PTPRN2: variants seen among roughly 807,000 people sequenced by gnomAD.
PTPRN2 encodes the protein protein tyrosine phosphatase receptor type N2, also known as receptor-type tyrosine-protein phosphatase N2.
Under a neutral mutation model 118.8 loss-of-function variants are expected in PTPRN2, and 74 were observed. The ratio of observed to expected loss-of-function variants is 0.62; its 90% CI spans 0.52 to 0.76. The LOEUF is 0.76. Ranked by LOEUF, PTPRN2 falls within the 30% of genes least tolerant of loss-of-function variation. The probability of loss-of-function intolerance (pLI) is 0.00; values close to 1 mark genes in which losing one functional copy is unlikely to be tolerated. For missense variants in PTPRN2, 1,481 were observed against 1,394.4 expected, an observed-to-expected ratio of 1.06 and a Z score of -0.99; for synonymous variants, 641 against 608.0, an observed-to-expected ratio of 1.05 and a Z score of -0.80.
rs114826638 is a variant in PTPRN2, at chr7:157,957,763, C to G, written c.1724-59026G>C. 5.2e-3 allele frequency among the ~76,000 whole-genome samples: 793 copies of G among 152,188 alleles called. 9 individuals are homozygous for G. Among genetic ancestry groups the G allele is most frequent in the African/African-American group, 0.018 (733 of 41,520 alleles). On this transcript the variant is annotated intron_variant, in intron 11 of 22. Transcript: ENST00000389418. ...GACTGAAACCGTAGTCAAAAACCTC[C>G]CAAAGAAAATCCTGCAGTCACTGGT...
At chr7:158,568,725 A>C (rs1403523749) in intron 1 of PTPRN2, among the ~76,000 whole-genome samples, 1 of 152,114 alleles carries the variant, frequency 6.6e-6, no homozygotes, top group Non-Finnish European at 1.5e-5. Flanking sequence ...TTTTTAACAA[A>C]CTGGGGTAAC....
chr7:158,326,607 T>C (rs1355291789), intron 2 of PTPRN2, among the ~76,000 whole-genome samples: 2 of 151,404 alleles, frequency 1.3e-5, no homozygotes. Context: ...CAGGCACACG[T>C]TCTCACACAC....
intron 18 of PTPRN2, among the ~76,000 whole-genome samples, chr7:157,577,478 C>A (rs780819842): frequency 6.6e-6 from 1 of 152,158 alleles, no homozygotes; most frequent in Non-Finnish European, 1.5e-5. Context: ...GGCAGAAAAT[C>A]CAGCCAGATA....
intron 11 of PTPRN2, among the ~76,000 whole-genome samples, chr7:158,073,719 C>T (rs1474414617): frequency 1.3e-5 from 2 of 152,170 alleles, no homozygotes; most frequent in Non-Finnish European, 2.9e-5. Flanking sequence ...AGACACTGCC[C>T]TTTCTATTCA....
chr7:158,069,908 T>C (rs1811074249), intron 11 of PTPRN2, among the ~76,000 whole-genome samples: 1 of 152,364 alleles, frequency 6.6e-6, no homozygotes, highest in Admixed American at 6.5e-5. Flanking sequence ...AGTGTAACTA[T>C]TGGCCCTAGC....
chr7:158,240,212 C>G (rs1381405399), intron 3 of PTPRN2, among the ~76,000 whole-genome samples: 1 of 151,792 alleles, frequency 6.6e-6, no homozygotes, highest in Admixed American at 6.6e-5. Flanking sequence ...ATTTCTCTCT[C>G]CTATTAACAG....
chr7:157,941,436 C>CTAACATCCTCCCCCATGACACTGCAAATA (rs1486501952), intron 11 of PTPRN2, among the ~76,000 whole-genome samples: 7 of 143,930 alleles, frequency 4.9e-5, no homozygotes, highest in South Asian at 2.3e-4. Flanking sequence ...CACTGCAAAT[C>CTAACATCCTCCCCCATGACACTGCAAATA]TAACATCCTC....
rs1826143585 is a variant in PTPRN2 at position 158,544,041 on chromosome 7, G to A, written c.112+43517C>T. Among the ~76,000 whole-genome samples the A allele has an allele frequency of 1.3e-5, 2 of 152,176 alleles. No individual in the cohort carries two copies. The highest frequency in any genetic ancestry group is 4.1e-4 in the South Asian group (2 of 4,822). ...TCCTCTGGGCTCTGCCCCTCTGCAC[G>A]GCACCAGAGTTGTGCAAGGAAGCAG... On this transcript the variant is annotated intron_variant, in intron 1 of 22. Coordinates refer to ENST00000389418, the MANE Select transcript of PTPRN2 (RefSeq NM_002847.5). This position sits in a 1 kb window ranked among gnomAD's most constrained non-coding sequence, Gnocchi z 4.2.
At position 157,729,967 on chromosome 7, in the gene PTPRN2, C is replaced by T. The variant is rs1462361106; in HGVS notation, c.1789-47030G>A. On this transcript the variant is annotated intron_variant, in intron 12 of 22. Transcript: ENST00000389418. The surrounding 1 kb of genome is among the most constrained non-coding windows in gnomAD (Gnocchi z 4.3). ...GGCCAGGAACAGGGCATTCTTCTCT[C>T]CAGGGAGCAGAAACCACAAGATAGA... is the stretch of plus-strand genomic sequence containing the variant. 6.6e-6 allele frequency among the ~76,000 whole-genome samples: 1 copy of T among 152,214 alleles called. No homozygotes were observed. The highest frequency in any genetic ancestry group is 6.5e-5 in the Admixed American group (1 of 15,282).
intron 2 of PTPRN2, among the ~76,000 whole-genome samples, chr7:158,404,869 G>T (rs1366381677): frequency 3.5e-5 from 2 of 57,150 alleles, no homozygotes; most frequent in African/African-American, 6.8e-5. Context: ...CCAGCCCCCA[G>T]CTCCCTGGCC....
At chr7:158,083,406 C>T (rs1233289266) in intron 10 of PTPRN2, among the ~76,000 whole-genome samples, 3 of 152,186 alleles carry the variant, frequency 2.0e-5, no homozygotes, top group South Asian at 2.1e-4. Context: ...AGCTTACACA[C>T]GGCATCTGTG....
At chr7:158,047,539 G>A (rs1236384160) in intron 11 of PTPRN2, among the ~76,000 whole-genome samples, 1 of 152,090 alleles carries the variant, frequency 6.6e-6, no homozygotes, top group East Asian at 1.9e-4. Flanking sequence ...CTGAGGGTGC[G>A]AGGGCTACCT....
intron 2 of PTPRN2, among the ~76,000 whole-genome samples, chr7:158,326,868 C>T (rs1803608508): frequency 6.6e-6 from 1 of 151,764 alleles, no homozygotes; most frequent in Non-Finnish European, 1.5e-5. Context: ...CTCATTCTCG[C>T]ATGCACACGT....
At chr7:157,641,425 T>G (rs1210162549) in intron 14 of PTPRN2, among the ~76,000 whole-genome samples, 1 of 152,364 alleles carries the variant, frequency 6.6e-6, no homozygotes, top group South Asian at 2.1e-4. Context: ...GGCAACATGG[T>G]TTCTATAATT....
chr7:157,613,834 C>T (rs1802560386), intron 15 of PTPRN2, among the ~76,000 whole-genome samples: 1 of 152,190 alleles, frequency 6.6e-6, no homozygotes, highest in Admixed American at 6.5e-5. Context: ...CCCGGGCCGC[C>T]GTCCTGCGGC....
intron 21 of PTPRN2, among the ~76,000 whole-genome samples, chr7:157,557,262 AAC>A (rs1798946400): frequency 6.6e-6 from 1 of 150,826 alleles, no homozygotes. Context: ...CACACCACAC[AAC>A]ACTCACATCC....
intron 4 of PTPRN2, among the ~76,000 whole-genome samples, chr7:158,194,689 C>T (rs949687194): frequency 1.3e-5 from 2 of 152,220 alleles, no homozygotes; most frequent in Admixed American, 6.5e-5. Flanking sequence ...CTTTCCTGAG[C>T]GCCCAGGCAC....
At chr7:157,890,449 G>T (rs1218142106) in intron 12 of PTPRN2, among the ~76,000 whole-genome samples, 2 of 152,136 alleles carry the variant, frequency 1.3e-5, no homozygotes, top group Non-Finnish European at 2.9e-5. Context: ...AAACCATCCT[G>T]GCTAACACGG....
chr7:158,229,253 T>C (rs1299575843), intron 3 of PTPRN2, among the ~76,000 whole-genome samples: 2 of 152,050 alleles, frequency 1.3e-5, no homozygotes, highest in Non-Finnish European at 2.9e-5. Context: ...TATGTGACTC[T>C]CTAAGCAAAT....
Sources: gnomAD v4.1 joint callset for allele counts (sites outside exome capture counted in the v4.1 genomes callset) on GRCh38, gnomAD v4.1.1 for gene constraint, Gnocchi (gnomAD v3.1) non-coding constraint, MANE v1.5 for transcripts, NCBI Gene and HGNC (gene_info 2026-07-23, HGNC 2026-07-21) for gene names.